The following HTR3B variants were observed in gnomAD, a reference collection of about 807,000 sequenced individuals.
The protein encoded by HTR3B is 5-hydroxytryptamine receptor 3B.
HTR3B carries 44 observed loss-of-function variants against 42.8 expected under a neutral mutation model. The observed-to-expected ratio is 1.03, with a 90% CI of 0.81 to 1.32. The LOEUF (loss-of-function observed/expected upper bound fraction) is 1.32. HTR3B is among the 40% of genes most tolerant of loss of function. The probability of loss-of-function intolerance (pLI) is 0.00; values close to 1 mark genes in which losing one functional copy is unlikely to be tolerated. For synonymous variants in HTR3B, 203 were observed against 209.0 expected (o/e 0.97, Z 0.25); for missense variants, 527 against 536.5 (o/e 0.98, Z 0.17).
chr11:113,915,805 T>C (rs907869890), intron 2 of HTR3B, among the ~76,000 whole-genome samples: 9 of 152,216 alleles, frequency 5.9e-5, no homozygotes, highest in African/African-American at 2.2e-4. Context: ...CTTCAGTTTC[T>C]CCACATAATC....
upstream of HTR3B, chr11:113,904,651 C>T: frequency 2.7e-6 from 1 of 374,976 alleles, no homozygotes; most frequent in Non-Finnish European, 4.9e-6. Context: ...TAGCTATCTC[C>T]TGTCAGGAAA....
chr11:113,931,170 T>C (rs1950030991), intron 2 of HTR3B, among the ~76,000 whole-genome samples: 1 of 152,176 alleles, frequency 6.6e-6, no homozygotes, highest in South Asian at 2.1e-4. Context: ...AGTGCCGTTT[T>C]GTCATAGATA....
chr11:113,914,175 T>G (rs1949829204), intron 2 of HTR3B, among the ~76,000 whole-genome samples: 1 of 152,034 alleles, frequency 6.6e-6, no homozygotes, highest in Non-Finnish European at 1.5e-5. Flanking sequence ...TTTTAAAAAT[T>G]AAATTAAATT....
At chr11:113,921,239 A>G (rs1591575935) in intron 2 of HTR3B, among the ~76,000 whole-genome samples, 1 of 137,982 alleles carries the variant, frequency 7.2e-6, no homozygotes, top group East Asian at 2.5e-4. Flanking sequence ...TCCGCCTCCC[A>G]GGTTCAAGTG....
intron 2 of HTR3B, among the ~76,000 whole-genome samples, chr11:113,917,135 ATT>A (rs60959011): frequency 1.4e-5 from 2 of 142,836 alleles, no homozygotes; most frequent in Admixed American, 7.0e-5. Flanking sequence ...GAAATCTTCT[ATT>A]TTTTTTTTTT....
At chr11:113,906,663 G>A (rs1015940267) in intron 1 of HTR3B, among the ~76,000 whole-genome samples, 4 of 152,094 alleles carry the variant, frequency 2.6e-5, no homozygotes, top group Admixed American at 1.3e-4. Context: ...ATCATGTAGC[G>A]TCATGATTAA....
Position 113,904,893 on chromosome 11 carries a change from T to C in HTR3B, c.-41T>C. ...AGAAATTGAGCGGCATTCCATCTGG[T>C]AGGCAAGTTTGCATTTCTCCTTTTT... is the stretch of plus-strand genomic sequence containing the variant. On this transcript the variant is annotated 5_prime_UTR_variant, in exon 1 of 9. Coordinates refer to ENST00000260191, the MANE Select transcript of HTR3B (RefSeq NM_006028.5). 1 of 1,545,382 alleles carries C rather than the reference T, an allele frequency of 6.5e-7. No homozygotes were observed. Among genetic ancestry groups the C allele is most frequent in the African/African-American group, 1.4e-5 (1 of 73,594 alleles).
intron 6 of HTR3B, among the ~76,000 whole-genome samples, chr11:113,937,458 T>A (rs1433671780): frequency 6.6e-6 from 1 of 152,150 alleles, no homozygotes; most frequent in African/African-American, 2.4e-5. Context: ...CTATCACAGA[T>A]CCCCAAAATC....
At chr11:113,936,559 GAGAA>G (rs1425102406) in intron 6 of HTR3B, among the ~76,000 whole-genome samples, 1 of 152,066 alleles carries the variant, frequency 6.6e-6, no homozygotes, top group Non-Finnish European at 1.5e-5. Context: ...GAGAGAGAGA[GAGAA>G]AGAGAGAGAG....
At position 113,943,063 on chromosome 11, in the gene HTR3B, A is replaced by G; in HGVS notation, c.778A>G (p.Ser260Gly). ...CTTTCTCATGCTGGTGGACCTGGGG[A>G]GCTTCTACCTGCCACCCAACTGCCG... ...SIFLMLVDLG[S>G]FYLPPNCRAR... Residue 260 changes from serine to glycine, a missense_variant, in exon 7 of 9, where the codon AGC (serine) becomes GGC (glycine). Transcript: ENST00000260191. 1 of 1,613,922 alleles carries G rather than the reference A, an allele frequency of 6.2e-7. No individual in the cohort carries two copies. The highest frequency in any genetic ancestry group is 8.5e-7 in the Non-Finnish European group (1 of 1,179,990).
chr11:113,909,407 G>A lies in HTR3B; in HGVS notation c.165G>A (p.Lys55=), dbSNP rs2137485197. ...KEVRPVYNWT[K]ATTVYLDLFV... is the part of the protein sequence containing the mutation. ...TGAGACCTGTTTACAACTGGACCAA[G>A]GCCACCACAGTCTACCTGGACCTGT... is the stretch of plus-strand genomic sequence containing the variant. Residue 55 remains lysine (K), a synonymous_variant, in exon 2 of 9, where the codon AAG becomes AAA. Transcript: ENST00000260191. The A allele has an allele frequency of 6.2e-7, 1 of 1,614,104 alleles. No homozygotes were observed. Among genetic ancestry groups the A allele is most frequent in the Non-Finnish European group, 8.5e-7 (1 of 1,179,972 alleles).
chr11:113,914,127 G>A (rs532868128), intron 2 of HTR3B, among the ~76,000 whole-genome samples: 1 of 151,692 alleles, frequency 6.6e-6, no homozygotes, highest in South Asian at 2.1e-4. Context: ...CCATTTCAAT[G>A]AACAGTTTTT....
At chr11:113,936,147 C>T (rs1950090436) in intron 6 of HTR3B, among the ~76,000 whole-genome samples, 2 of 152,092 alleles carry the variant, frequency 1.3e-5, no homozygotes, top group African/African-American at 4.8e-5. Flanking sequence ...GTGCTGGTTC[C>T]CAGAAACAGC....
At chr11:113,909,090 G>C (rs1949757082) in intron 1 of HTR3B, 4 of 581,992 alleles carry the variant, frequency 6.9e-6, no homozygotes, top group Non-Finnish European at 1.2e-5. Context: ...TTTTTACAAT[G>C]AGGTTTCTCC....
intron 1 of HTR3B, among the ~76,000 whole-genome samples, chr11:113,908,181 G>T (rs1949748113): frequency 6.6e-6 from 1 of 152,152 alleles, no homozygotes; most frequent in Non-Finnish European, 1.5e-5. Flanking sequence ...CAGCATTGTT[G>T]TTAGCGTTTT....
Position 113,946,340 on chromosome 11 carries a change from GTAAA to G in HTR3B, c.*242_*245del, listed in dbSNP as rs58093170. The stretch of plus-strand genomic sequence containing the variant: ...ACATAGTGAGACCACATCTCTACCA[GTAAA>G]TAAATAAATAAATAAATAAATAAAT... On this transcript the variant is annotated 3_prime_UTR_variant, in exon 9 of 9. Transcript: ENST00000260191. The G allele has an allele frequency of 0.084, 19,714 of 234,954 alleles. 1,121 individuals carry two copies. Among genetic ancestry groups the G allele is most frequent in the Middle Eastern group, 0.1 (72 of 686 alleles). The allele number at this position is 234,954 out of a possible 1,614,324, so 14.6% of individuals were successfully genotyped here.
chr11:113,901,802 G>A (rs1451585957), upstream of HTR3B, among the ~76,000 whole-genome samples: 1 of 152,186 alleles, frequency 6.6e-6, no homozygotes, highest in African/African-American at 2.4e-5. Context: ...GTCCCCAGAA[G>A]GTTTGACTTA....
intron 6 of HTR3B, 88 bp downstream of exon 6, chr11:113,933,181 A>G (rs1478141408): frequency 3.8e-5 from 49 of 1,298,328 alleles, no homozygotes; most frequent in South Asian, 3.7e-4. Context: ...GCTCTATTGC[A>G]TGTTCTCATT....
intron 3 of HTR3B, 46 bp downstream of exon 3, chr11:113,931,474 G>T (rs775983082): frequency 8.5e-7 from 1 of 1,174,932 alleles, no homozygotes; most frequent in South Asian, 1.3e-5. Flanking sequence ...TCCTGATCTG[G>T]ATCTGCTGCA....
Sources: allele counts gnomAD v4.1 joint callset (sites outside exome capture counted in the v4.1 genomes callset), GRCh38; gene constraint gnomAD v4.1.1; transcripts MANE v1.5; gene names NCBI Gene and HGNC (gene_info 2026-07-23, HGNC 2026-07-21).